The following PLD1 variants were observed in gnomAD, a reference collection of about 807,000 sequenced individuals.
The protein encoded by PLD1 is choline phosphatase 1.
Under a neutral mutation model 137.1 loss-of-function variants are expected in PLD1, and 112 were observed. The observed-to-expected ratio is 0.82, with a 90% CI of 0.70 to 0.96. The LOEUF (loss-of-function observed/expected upper bound fraction) is 0.96. Among genes scored for constraint, PLD1 ranks in the 40% least tolerant of loss-of-function variants. PLD1 has a pLI of 0.00. For missense variants in PLD1, 1,321 were observed against 1,342.0 expected (o/e 0.98, Z 0.24); for synonymous variants, 431 against 454.7 (o/e 0.95, Z 0.66).
intron 21 of PLD1, among the ~76,000 whole-genome samples, chr3:171,648,549 CAT>C (rs1331900239): frequency 6.6e-6 from 1 of 151,386 alleles, no homozygotes; most frequent in Non-Finnish European, 1.5e-5. Context: ...CACATAAGAA[CAT>C]AGTTACTTTT....
chr3:171,743,996 C>T (rs910810586), intron 1 of PLD1, among the ~76,000 whole-genome samples: 1 of 152,210 alleles, frequency 6.6e-6, no homozygotes, highest in African/African-American at 2.4e-5. Flanking sequence ...ATACCACAGA[C>T]ACACTCAGAT....
intron 3 of PLD1, among the ~76,000 whole-genome samples, chr3:171,737,186 TGGA>T (rs1467342149): frequency 6.6e-6 from 1 of 152,154 alleles, no homozygotes; most frequent in Non-Finnish European, 1.5e-5. Context: ...CCATGCAAGG[TGGA>T]ATAAATATGC....
intron 1 of PLD1, among the ~76,000 whole-genome samples, chr3:171,752,589 C>T (rs2108293397): frequency 6.6e-6 from 1 of 152,314 alleles, no homozygotes; most frequent in African/African-American, 2.4e-5. Flanking sequence ...CACAGACCTC[C>T]TAGTTCTTCT....
At chr3:171,642,748 T>C in intron 23 of PLD1, 92 bp downstream of exon 23, 2 of 725,680 alleles carry the variant, frequency 2.8e-6, no homozygotes, top group South Asian at 3.4e-5. Context: ...ATAAACAGAG[T>C]TCTATAATCA....
chr3:171,695,757 G>T (rs879908738), intron 12 of PLD1, among the ~76,000 whole-genome samples: 8 of 66,298 alleles, frequency 1.2e-4, no homozygotes, highest in Non-Finnish European at 2.2e-4. Flanking sequence ...CCCCAACCCA[G>T]GATGCTCACT....
intron 21 of PLD1, among the ~76,000 whole-genome samples, chr3:171,647,391 T>A (rs1736332192): frequency 6.6e-6 from 1 of 152,162 alleles, no homozygotes; most frequent in Non-Finnish European, 1.5e-5. Flanking sequence ...TTTATGTCTT[T>A]AAATTAAATT....
In PLD1 at chr3:171,602,497, G is replaced by A. The variant is rs1731898718; in HGVS notation, c.*581C>T. The A allele has an allele frequency of 6.3e-6, 1 of 157,808 alleles. No individual in the cohort carries two copies. Among genetic ancestry groups the A allele is most frequent in the Admixed American group, 6.0e-5 (1 of 16,690 alleles). 9.8% of individuals were successfully genotyped at this position (157,808 alleles called of 1,614,324 possible). ...TACTGTGTAGGCTAAAGTCTGCCGT[G>A]TTCGTACAGTGACTGAAAAGGAATA... is the stretch of plus-strand genomic sequence containing the variant. On this transcript the variant is annotated 3_prime_UTR_variant, in exon 27 of 27. Transcript: ENST00000351298.
chr3:171,700,154 C>CATG (rs1315811607), intron 11 of PLD1, among the ~76,000 whole-genome samples: 1 of 151,882 alleles, frequency 6.6e-6, no homozygotes, highest in Non-Finnish European at 1.5e-5. Flanking sequence ...TCCCTGCTCT[C>CATG]AGAGCCTCTC....
chr3:171,708,017 T>C (rs1716833482), intron 11 of PLD1, among the ~76,000 whole-genome samples: 1 of 152,218 alleles, frequency 6.6e-6, no homozygotes, highest in Non-Finnish European at 1.5e-5. Flanking sequence ...TAAGGGGTAA[T>C]TCAGGCAACT....
At chr3:171,743,796 C>T (rs899276772) in intron 1 of PLD1, among the ~76,000 whole-genome samples, 3 of 152,212 alleles carry the variant, frequency 2.0e-5, no homozygotes, top group African/African-American at 7.2e-5. Flanking sequence ...ACACATCTGT[C>T]TTCCCACTAG....
intron 9 of PLD1, among the ~76,000 whole-genome samples, chr3:171,712,379 G>T (rs866633089): frequency 6.6e-6 from 1 of 152,140 alleles, no homozygotes; most frequent in Non-Finnish European, 1.5e-5. Flanking sequence ...GAGCTAAAAA[G>T]CCTCGGAAAA....
chr3:171,720,891 A>C (rs1349330714), intron 8 of PLD1, among the ~76,000 whole-genome samples: 1 of 152,170 alleles, frequency 6.6e-6, no homozygotes, highest in Non-Finnish European at 1.5e-5. Context: ...GTTGCTTCTC[A>C]TAAGGGTTAA....
At chr3:171,726,955 G>A (rs7631451) in intron 6 of PLD1, among the ~76,000 whole-genome samples, 54,904 of 152,052 alleles carry the variant, frequency 0.36, 11,027 homozygotes, top group African/African-American at 0.52. Context: ...ATTCCATTTT[G>A]CATCTACTTC....
chr3:171,677,580 T>C lies in PLD1; in HGVS notation c.1982A>G (p.Asp661Gly), dbSNP rs762462912. The C allele has an allele frequency of 1.9e-6, 3 of 1,613,930 alleles. No homozygotes were observed. In the East Asian group the frequency reaches 6.7e-5, roughly 36 times the overall value. The change falls in exon 17 of 27, where the codon GAT becomes GGT. Residue 661 changes from aspartate (D) to glycine (G), a missense_variant. By Grantham distance (94) the Asp-to-Gly change is moderately conservative. Coordinates refer to ENST00000351298, the MANE Select transcript of PLD1 (RefSeq NM_002662.5). ...NFVFKDWVQL[D>G]KPFADFIDRY... ...ATGATACTCACCAGCAAAAGGTTTA[T>C]CAAGTTGAACCCAGTCTTTGAAGAC...
chr3:171,756,258 T>C (rs1324679232), intron 1 of PLD1, among the ~76,000 whole-genome samples: 1 of 152,184 alleles, frequency 6.6e-6, no homozygotes, highest in Non-Finnish European at 1.5e-5. Flanking sequence ...TCAGTAAAAA[T>C]AAGTTTGGGC....
chr3:171,675,982 A>G (rs1236758886), intron 18 of PLD1, among the ~76,000 whole-genome samples: 1 of 151,836 alleles, frequency 6.6e-6, no homozygotes, highest in Non-Finnish European at 1.5e-5. Context: ...AGTTGAGATT[A>G]CAGGCACCCA....
intron 6 of PLD1, among the ~76,000 whole-genome samples, chr3:171,732,575 C>G (rs542714064): frequency 6.6e-6 from 1 of 152,316 alleles, no homozygotes; most frequent in African/African-American, 2.4e-5. Context: ...ACACTAAAGT[C>G]TTTACTGTTT....
intron 23 of PLD1, among the ~76,000 whole-genome samples, chr3:171,623,921 G>C (rs552336793): frequency 6.9e-6 from 1 of 144,762 alleles, no homozygotes; most frequent in Non-Finnish European, 1.5e-5. Context: ...AATGAAACCA[G>C]ACAAGTGTTA....
chr3:171,623,311 GA>G (rs1295575814), intron 23 of PLD1, among the ~76,000 whole-genome samples: 37 of 143,320 alleles, frequency 2.6e-4, no homozygotes, highest in African/African-American at 9.8e-4. Flanking sequence ...AGCCCTATCA[GA>G]CTTTTTTTTT....
Sources: allele counts gnomAD v4.1 joint callset (sites outside exome capture counted in the v4.1 genomes callset), GRCh38; gene constraint gnomAD v4.1.1; transcripts MANE v1.5; gene names NCBI Gene and HGNC (gene_info 2026-07-23, HGNC 2026-07-21).